JPH3: variants seen among roughly 807,000 people sequenced by gnomAD.
JPH3 encodes the protein junctophilin-3.
Under a neutral mutation model 59.6 loss-of-function variants are expected in JPH3, and 11 were observed. That is an observed-to-expected ratio of 0.18 (90% CI 0.12 to 0.31). The LOEUF is 0.31. Ranked by LOEUF, JPH3 falls within the 10% of genes least tolerant of loss-of-function variation. The pLI is 1.00. For missense variants in JPH3, 1,202 were observed against 1,105.7 expected (o/e 1.09, Z -1.24); for synonymous variants, 673 against 483.6 (o/e 1.39, Z -5.14).
At chr16:87,691,495 G>A (rs1486518207) in intron 4 of JPH3, among the ~76,000 whole-genome samples, 1 of 152,164 alleles carries the variant, frequency 6.6e-6, no homozygotes, top group Non-Finnish European at 1.5e-5. Flanking sequence ...CAGGGCGTGT[G>A]GGCCGGGCAG....
At chr16:87,636,439 A>C (rs1276737499) in intron 1 of JPH3, among the ~76,000 whole-genome samples, 1 of 152,196 alleles carries the variant, frequency 6.6e-6, no homozygotes, top group African/African-American at 2.4e-5. Flanking sequence ...TAGCTCCGTC[A>C]CAGTGGCTGT....
At position 87,603,512 on chromosome 16, in the gene JPH3, G is replaced by A. The variant is rs1315948461; in HGVS notation, c.366G>A (p.Glu122=). 1.3e-6 allele frequency: 2 copies of A among 1,549,522 alleles called. No individual in the cohort carries two copies. Among genetic ancestry groups the A allele is most frequent in the Non-Finnish European group, 1.7e-6 (2 of 1,147,292 alleles). Residue 122 remains glutamate, a synonymous_variant, in exon 1 of 5, where the codon GAG becomes GAA. Transcript: ENST00000284262. ...SNGLQDGYGT[E]TYSDGGTYQG... The stretch of plus-strand genomic sequence containing the variant: ...GGCTGCAGGACGGCTACGGGACCGA[G>A]ACCTACTCGGACGGAGGTAGGTGCC...
At chr16:87,633,894 C>T (rs1422300257) in intron 1 of JPH3, among the ~76,000 whole-genome samples, 1 of 147,980 alleles carries the variant, frequency 6.8e-6, no homozygotes, top group Admixed American at 6.6e-5. Flanking sequence ...AACCATAACC[C>T]CAAACCCTTG....
chr16:87,688,427 C>T (rs773038048), intron 3 of JPH3, among the ~76,000 whole-genome samples: 13 of 152,164 alleles, frequency 8.5e-5, no homozygotes, highest in African/African-American at 1.7e-4. Context: ...GGTGCCACAC[C>T]GAGGGTAGCC....
At chr16:87,645,165 A>C in intron 2 of JPH3, 130 bp downstream of exon 2, 52 of 941,250 alleles carry the variant, frequency 5.5e-5, no homozygotes, top group Non-Finnish European at 7.1e-5. Context: ...GGTGTTTCTC[A>C]AACTATGCCC....
In JPH3 at chr16:87,618,816, G is replaced by T. The variant is rs545795510; in HGVS notation, c.382+15288G>T. 4.5e-4 allele frequency among the ~76,000 whole-genome samples: 68 copies of T among 152,220 alleles called. 1 individual carries two copies. Among genetic ancestry groups the T allele is most frequent in the Admixed American group, 3.1e-3 (47 of 15,282 alleles). ...AAAATTGGGTTATTTCAGGCCGGGC[G>T]CAGTGCTCACACCTGTAATTCCAGC... On this transcript the variant is annotated intron_variant, in intron 1 of 4. Transcript: ENST00000284262.
rs1394376279 is a variant in JPH3, at chr16:87,611,236, C to T, written c.382+7708C>T. Among the ~76,000 whole-genome samples, 2 of 152,180 alleles carry T rather than the reference C, an allele frequency of 1.3e-5. No homozygotes were observed. The highest frequency in any genetic ancestry group is 2.9e-5 in the Non-Finnish European group (2 of 68,034). ...ATATATGGAATAATTCAGGGTTTCT[C>T]ATGCCACAGTGGGGGTCCTGAATGG... On this transcript the variant is annotated intron_variant, in intron 1 of 4. Transcript: ENST00000284262. This position sits in a 1 kb window ranked among gnomAD's most constrained non-coding sequence, Gnocchi z 4.5.
chr16:87,691,354 G>T (rs2033568312), intron 4 of JPH3, among the ~76,000 whole-genome samples: 1 of 152,216 alleles, frequency 6.6e-6, no homozygotes, highest in South Asian at 2.1e-4. Context: ...TCTGCGCACG[G>T]CCAGGCCCTC....
chr16:87,680,885 G>T (rs922301038), intron 2 of JPH3, among the ~76,000 whole-genome samples: 2 of 152,226 alleles, frequency 1.3e-5, no homozygotes, highest in Admixed American at 6.5e-5. Flanking sequence ...ATGTTGGTGA[G>T]TTCATGTTGG....
At chr16:87,615,545 C>G (rs1013784157) in intron 1 of JPH3, among the ~76,000 whole-genome samples, 2 of 152,174 alleles carry the variant, frequency 1.3e-5, no homozygotes, top group African/African-American at 4.8e-5. Context: ...AAGCATGGCT[C>G]CCCCATTTTC....
intron 1 of JPH3, among the ~76,000 whole-genome samples, chr16:87,617,312 G>A (rs192229259): frequency 7.9e-5 from 12 of 152,280 alleles, no homozygotes; most frequent in African/African-American, 2.2e-4. Flanking sequence ...TGGATGGGCC[G>A]TTTGTTTAAC....
chr16:87,696,885 G>C lies in JPH3; in HGVS notation c.*225G>C, dbSNP rs2033885661. On this transcript the variant is annotated 3_prime_UTR_variant, in exon 5 of 5. Transcript: ENST00000284262. ...TTCTTTGCTTGTATAACACTCTGCTGTGTGGCATGGCAGAAGGAGGCCAGC... is the reference window on the plus strand; with the variant it reads ...TTCTTTGCTTGTATAACACTCTGCTCTGTGGCATGGCAGAAGGAGGCCAGC... 1.1e-5 allele frequency: 6 copies of C among 526,326 alleles called. No individual in the cohort carries two copies. Among genetic ancestry groups the C allele is most frequent in the Non-Finnish European group, 3.4e-6 (1 of 290,210 alleles). 32.6% of individuals were successfully genotyped at this position (526,326 alleles called of 1,614,324 possible).
intron 1 of JPH3, 152 bp from the exon 2 acceptor site, chr16:87,644,106 C>G (rs1419970061): frequency 3.7e-6 from 3 of 817,284 alleles, no homozygotes; most frequent in African/African-American, 3.5e-5. Flanking sequence ...TCACTGCACT[C>G]CAGCCTGGGC....
At chr16:87,694,308 T>C (rs961894211) in intron 4 of JPH3, 2 of 152,296 alleles carry the variant, frequency 1.3e-5, no homozygotes, top group Non-Finnish European at 2.9e-5. Flanking sequence ...AAGACCAGCC[T>C]AGGTGCTGGC....
chr16:87,612,458 A>AT (rs775794344), intron 1 of JPH3, among the ~76,000 whole-genome samples: 17 of 152,204 alleles, frequency 1.1e-4, no homozygotes, highest in Non-Finnish European at 1.5e-4. Context: ...GCCTGAGATT[A>AT]TTTTTTAAAC....
intron 2 of JPH3, among the ~76,000 whole-genome samples, chr16:87,651,971 C>CG (rs2032337269): frequency 6.8e-6 from 1 of 147,024 alleles, no homozygotes; most frequent in Non-Finnish European, 1.5e-5. Flanking sequence ...ACATTGTTGT[C>CG]GTTTTTTTTT....
intron 2 of JPH3, among the ~76,000 whole-genome samples, chr16:87,663,177 C>G (rs1257982079): frequency 6.7e-6 from 1 of 149,388 alleles, no homozygotes; most frequent in African/African-American, 2.5e-5. Context: ...GGCACAATCT[C>G]GGCTCACTGC....
chr16:87,631,287 G>T (rs531658658), intron 1 of JPH3, among the ~76,000 whole-genome samples: 15 of 152,282 alleles, frequency 9.9e-5, no homozygotes, highest in Non-Finnish European at 2.1e-4. Context: ...GCACATCCTG[G>T]AGTAGCTTCC....
chr16:87,658,352 C>G (rs773437454), intron 2 of JPH3, among the ~76,000 whole-genome samples: 10 of 152,024 alleles, frequency 6.6e-5, no homozygotes, highest in Non-Finnish European at 1.3e-4. Flanking sequence ...CTCTCTCTCT[C>G]CTTCTCCCCG....
Sources: allele counts gnomAD v4.1 joint callset (sites outside exome capture counted in the v4.1 genomes callset), GRCh38; gene constraint gnomAD v4.1.1; non-coding constraint Gnocchi (gnomAD v3.1); transcripts MANE v1.5; gene names NCBI Gene and HGNC (gene_info 2026-07-23, HGNC 2026-07-21).